Variants in EPHB2 observed in about 807,000 individuals in gnomAD.
EPHB2 encodes ephrin type-B receptor 2.
In EPHB2, 18 loss-of-function variants were observed where a neutral mutation model predicts 96.4. That is an observed-to-expected ratio of 0.19 (90% CI 0.13 to 0.28). The LOEUF is 0.28. Among genes scored for constraint, EPHB2 ranks in the 10% least tolerant of loss-of-function variants. EPHB2 has a pLI of 1.00. For synonymous variants in EPHB2, 506 were observed against 534.1 expected, an observed-to-expected ratio of 0.95 and a Z score of 0.72; for missense variants, 989 against 1,355.4, an observed-to-expected ratio of 0.73 and a Z score of 4.25.
chr1:22,718,672 G>A (rs1643357078), intron 1 of EPHB2, among the ~76,000 whole-genome samples: 1 of 152,136 alleles, frequency 6.6e-6, no homozygotes, highest in Non-Finnish European at 1.5e-5. Flanking sequence ...ACAGGTGTGA[G>A]CCACCGCGCC....
rs1271948121 is a variant in EPHB2, at chr1:22,914,121, A to G, written c.*551A>G. 1 of 478,990 alleles carries G rather than the reference A, an allele frequency of 2.1e-6. No homozygotes were observed. Among genetic ancestry groups the G allele is most frequent in the Non-Finnish European group, 3.6e-6 (1 of 275,464 alleles). The allele number at this position is 478,990 out of a possible 1,614,324, so 29.7% of individuals were successfully genotyped here. ...CCTGAGAACCCCTCTGGGAAAATCT[A>G]TTCCTGCCACCACTGGGCAAACAGA... On this transcript the variant is annotated 3_prime_UTR_variant, in exon 16 of 16. Transcript: ENST00000374630.
chr1:22,712,498 T>G (rs529874500), intron 1 of EPHB2, among the ~76,000 whole-genome samples: 39 of 152,216 alleles, frequency 2.6e-4, no homozygotes, highest in African/African-American at 7.9e-4. Flanking sequence ...CTGCGGCCTC[T>G]GGGAAAGGCG....
chr1:22,879,241 G>T (rs1638948976), intron 5 of EPHB2, among the ~76,000 whole-genome samples: 1 of 152,226 alleles, frequency 6.6e-6, no homozygotes, highest in Non-Finnish European at 1.5e-5. Flanking sequence ...CAGCCCCTGT[G>T]GGTTGGATGA....
chr1:22,839,448 CAAG>C (rs1645433761), intron 3 of EPHB2, among the ~76,000 whole-genome samples: 1 of 152,166 alleles, frequency 6.6e-6, no homozygotes, highest in East Asian at 1.9e-4. Flanking sequence ...TGACCGTCAG[CAAG>C]AGGCTCAAAG....
chr1:22,912,319 C>T (rs1169254911), intron 14 of EPHB2, 125 bp from the exon 15 acceptor site: 6 of 1,376,368 alleles, frequency 4.4e-6, no homozygotes, highest in South Asian at 1.2e-5. Flanking sequence ...CATACCCCTT[C>T]ACCTGTGTTC....
chr1:22,781,422 A>G lies in EPHB2; in HGVS notation c.63A>G (p.Glu21=). ...LLLPLLAAVE[E]TLMDSTTATA... ...GGTGACTCTTTGCTCTCCCCACAGA[A>G]ACGCTAATGGACTCCACTACAGCGA... The change falls in exon 2 of 16, where the codon GAA becomes GAG. Residue 21 remains glutamate, a splice_region_variant and synonymous_variant. Coordinates refer to ENST00000374630, the MANE Select transcript of EPHB2 (RefSeq NM_017449.5). 1 of 1,613,942 alleles carries G rather than the reference A, an allele frequency of 6.2e-7. No individual in the cohort carries two copies. Among genetic ancestry groups the G allele is most frequent in the Non-Finnish European group, 8.5e-7 (1 of 1,179,966 alleles).
intron 1 of EPHB2, among the ~76,000 whole-genome samples, chr1:22,743,283 G>T (rs1304903067): frequency 6.6e-6 from 1 of 152,098 alleles, no homozygotes; most frequent in Non-Finnish European, 1.5e-5. Context: ...CCAGGGCTTG[G>T]TGATGCCGCC....
At chr1:22,723,274 C>T (rs1353496619) in intron 1 of EPHB2, among the ~76,000 whole-genome samples, 2 of 152,268 alleles carry the variant, frequency 1.3e-5, no homozygotes, top group Admixed American at 1.3e-4. Context: ...CTGGGAACAG[C>T]CTCGTCCAGA....
At chr1:22,773,521 G>A (rs952906280) in intron 1 of EPHB2, among the ~76,000 whole-genome samples, 5 of 152,222 alleles carry the variant, frequency 3.3e-5, no homozygotes, top group Admixed American at 6.5e-5. Flanking sequence ...GTCTGTAGGC[G>A]AAGACCCGTG....
intron 5 of EPHB2, among the ~76,000 whole-genome samples, chr1:22,878,655 T>C (rs1638924122): frequency 6.6e-6 from 1 of 152,184 alleles, no homozygotes; most frequent in Non-Finnish European, 1.5e-5. Flanking sequence ...TTGATAGGTG[T>C]GAAAACTGAG....
chr1:22,747,549 G>C (rs550014247), intron 1 of EPHB2, among the ~76,000 whole-genome samples: 6 of 152,322 alleles, frequency 3.9e-5, no homozygotes, highest in African/African-American at 1.4e-4. Flanking sequence ...AGGGAGGGGG[G>C]CTCTGAGATG....
At chr1:22,910,721 C>A in intron 14 of EPHB2, 146 bp downstream of exon 14, 2 of 1,083,826 alleles carry the variant, frequency 1.8e-6, no homozygotes, top group Non-Finnish European at 1.4e-6. Flanking sequence ...GGGTACCTGC[C>A]CTGCCTTAGG....
At chr1:22,905,170 C>G (rs1397263305) in intron 9 of EPHB2, among the ~76,000 whole-genome samples, 1 of 152,160 alleles carries the variant, frequency 6.6e-6, no homozygotes, top group Non-Finnish European at 1.5e-5. Flanking sequence ...CTTTGACATC[C>G]AGGTTACCTT....
chr1:22,775,298 T>C, intron 1 of EPHB2: 1 of 777,540 alleles, frequency 1.3e-6, no homozygotes, highest in Admixed American at 1.7e-5. Flanking sequence ...GGGTTAATAA[T>C]AGTATATACT....
intron 1 of EPHB2, among the ~76,000 whole-genome samples, chr1:22,714,539 C>CT (rs1160458558): frequency 2.0e-5 from 3 of 151,962 alleles, no homozygotes; most frequent in Non-Finnish European, 4.4e-5. Context: ...GGGGTTGAGA[C>CT]TGAGAATGGG....
At chr1:22,720,395 G>A (rs548398858) in intron 1 of EPHB2, among the ~76,000 whole-genome samples, 11 of 152,202 alleles carry the variant, frequency 7.2e-5, no homozygotes, top group Admixed American at 1.3e-4. Flanking sequence ...GTTATCCAGC[G>A]TCCCACTCAA....
chr1:22,792,199 G>T (rs1404674016), intron 3 of EPHB2, among the ~76,000 whole-genome samples: 1 of 152,014 alleles, frequency 6.6e-6, no homozygotes. Flanking sequence ...AGTCTGCGGG[G>T]GTGGGGTGCG....
intron 3 of EPHB2, among the ~76,000 whole-genome samples, chr1:22,848,323 C>T (rs1164853361): frequency 6.6e-6 from 1 of 152,138 alleles, no homozygotes; most frequent in African/African-American, 2.4e-5. Context: ...TGGGACCTCA[C>T]CCCGATCCAC....
Position 22,915,794 on chromosome 1 carries a change from G to A in EPHB2, c.*2224G>A, listed in dbSNP as rs544238527. The stretch of plus-strand genomic sequence containing the variant: ...ACGTGGCAGGAGGAGGCAGGGAGAT[G>A]GATGTGCCATGGATATCGGGTCTGG... On this transcript the variant is annotated 3_prime_UTR_variant, in exon 16 of 16. Coordinates refer to ENST00000374630, the MANE Select transcript of EPHB2 (RefSeq NM_017449.5). The A allele has an allele frequency of 2.0e-5, 3 of 152,468 alleles. No individual in the cohort carries two copies. Among genetic ancestry groups the A allele is most frequent in the South Asian group, 4.1e-4 (2 of 4,832 alleles). 9.4% of individuals were successfully genotyped at this position (152,468 alleles called of 1,614,324 possible).
Sources: allele counts gnomAD v4.1 joint callset (sites outside exome capture counted in the v4.1 genomes callset), GRCh38; gene constraint gnomAD v4.1.1; transcripts MANE v1.5; gene names NCBI Gene and HGNC (gene_info 2026-07-23, HGNC 2026-07-21).